Variants in AMN1 observed in about 807,000 individuals in gnomAD.
The protein encoded by AMN1 is antagonist of mitotic exit network 1 homolog, also known as protein AMN1 homolog.
In AMN1, 20 loss-of-function variants were observed where a neutral mutation model predicts 33.0. The ratio of observed to expected loss-of-function variants is 0.61; its 90% confidence interval spans 0.43 to 0.88. The LOEUF is 0.88. AMN1 is among the 40% of genes least tolerant of loss of function. The pLI, the probability that AMN1 is intolerant of heterozygous loss-of-function variation, is 0.00. For synonymous variants in AMN1, 114 were observed against 111.9 expected, an observed-to-expected ratio of 1.02 and a Z score of -0.12; for missense variants, 246 against 307.4, an observed-to-expected ratio of 0.80 and a Z score of 1.49.
chr12:31,674,009 T>C (rs1272108204), intron 6 of AMN1, among the ~76,000 whole-genome samples: 1 of 152,090 alleles, frequency 6.6e-6, no homozygotes, highest in Non-Finnish European at 1.5e-5. Flanking sequence ...GAGGAAAGTC[T>C]TATCTTTTTT....
Position 31,717,355 on chromosome 12 carries a change from C to T in AMN1, c.39-7930G>A, listed in dbSNP as rs973357696. On this transcript the variant is annotated intron_variant, in intron 1 of 6. Coordinates refer to ENST00000281471, the MANE Select transcript of AMN1 (RefSeq NM_001113402.2). Reference sequence around the variant, plus strand: ...CTTTATCCAGTCTATCACTGATGAGCATTTGAGTTGGTTCCATGTCTTTGC... The same window carrying T: ...CTTTATCCAGTCTATCACTGATGAGTATTTGAGTTGGTTCCATGTCTTTGC... Among the ~76,000 whole-genome samples the T allele has an allele frequency of 7.2e-5, 11 of 152,282 alleles. 1 individual carries two copies. Among genetic ancestry groups the T allele is most frequent in the East Asian group, 1.9e-4 (1 of 5,190 alleles).
chr12:31,705,289 G>C (rs998427877), intron 2 of AMN1, among the ~76,000 whole-genome samples: 2 of 152,126 alleles, frequency 1.3e-5, no homozygotes, highest in African/African-American at 4.8e-5. Context: ...CTTGAGCCCA[G>C]AGGTTCAAGA....
chr12:31,713,867 T>C (rs1047137311), intron 1 of AMN1, among the ~76,000 whole-genome samples: 1 of 151,810 alleles, frequency 6.6e-6, no homozygotes, highest in Non-Finnish European at 1.5e-5. Context: ...AAAAAAAAAT[T>C]TTCTGATAAA....
chr12:31,700,159 A>G (rs2139691952), intron 3 of AMN1, among the ~76,000 whole-genome samples: 1 of 151,590 alleles, frequency 6.6e-6, no homozygotes, highest in South Asian at 2.1e-4. Flanking sequence ...TATTTAAAAA[A>G]AAAAAAAAAG....
At chr12:31,718,202 A>G (rs1016602435) in intron 1 of AMN1, among the ~76,000 whole-genome samples, 13 of 151,586 alleles carry the variant, frequency 8.6e-5, no homozygotes, top group African/African-American at 2.7e-4. Context: ...TGCTTGATCA[A>G]TTTGGCTATT....
intron 3 of AMN1, 22 bp from the exon 4 acceptor site, chr12:31,697,979 T>C: frequency 6.2e-7 from 1 of 1,604,216 alleles, no homozygotes; most frequent in Non-Finnish European, 8.5e-7. Flanking sequence ...TATAATTATA[T>C]ATCAATGAGC....
chr12:31,722,166 CA>C (rs1939902074), intron 1 of AMN1, among the ~76,000 whole-genome samples: 3 of 149,110 alleles, frequency 2.0e-5, no homozygotes, highest in Admixed American at 2.0e-4. Flanking sequence ...CACACACACA[CA>C]CACACACACC....
At chr12:31,708,607 CG>C (rs1939342406) in intron 2 of AMN1, 1 of 158,040 alleles carries the variant, frequency 6.3e-6, no homozygotes, top group African/African-American at 2.4e-5. Flanking sequence ...ACTCCCTGTT[CG>C]TACATTCCTC....
In AMN1 at chr12:31,720,104, T is replaced by C. The variant is rs1212774545; in HGVS notation, c.38+8867A>G. On this transcript the variant is annotated intron_variant, in intron 1 of 6. Transcript: ENST00000281471. ...GCTTTACTTTTTTCTTTTAAAAAGT[T>C]GAGATGAAAGATAATATGAAATTAA... 7.9e-5 allele frequency among the ~76,000 whole-genome samples: 12 copies of C among 152,368 alleles called. No individual in the cohort carries two copies. In the South Asian group the frequency reaches 2.3e-3, roughly 29 times the overall value.
intron 6 of AMN1, among the ~76,000 whole-genome samples, chr12:31,677,510 C>T (rs1310781709): frequency 6.6e-6 from 1 of 152,198 alleles, no homozygotes; most frequent in African/African-American, 2.4e-5. Flanking sequence ...GTTCTATCAA[C>T]TATTTCTAAG....
intron 6 of AMN1, among the ~76,000 whole-genome samples, chr12:31,674,861 CA>C (rs367623122): frequency 0.015 from 2,165 of 143,036 alleles, 18 homozygotes; most frequent in Non-Finnish European, 0.022. Flanking sequence ...ACTAAAAATA[CA>C]AAAAAAAAAA....
intron 1 of AMN1, among the ~76,000 whole-genome samples, chr12:31,717,323 A>T (rs1301744776): frequency 2.0e-5 from 3 of 152,224 alleles, no homozygotes; most frequent in Non-Finnish European, 4.4e-5. Context: ...TATATGTACC[A>T]CACTTTCTTT....
At chr12:31,688,915 A>G (rs1938383810) in intron 6 of AMN1, 92 bp downstream of exon 6, 3 of 711,706 alleles carry the variant, frequency 4.2e-6, no homozygotes, top group Non-Finnish European at 4.7e-6. Context: ...AGATGAGGAA[A>G]CTGAATAATG....
rs367932878 is a variant in AMN1, at chr12:31,728,871, G to A, written c.38+100C>T. On this transcript the variant is annotated intron_variant, in intron 1 of 6. Transcript: ENST00000281471. ...CGGGGCCTCTTCAGAGGTCGGCGGGGGGGGTGGGAAAGGGGCGGGGAGGAA... is the reference window on the plus strand; with the variant it reads ...CGGGGCCTCTTCAGAGGTCGGCGGGAGGGGTGGGAAAGGGGCGGGGAGGAA... 6 of 1,356,460 alleles carry A rather than the reference G, an allele frequency of 4.4e-6. No homozygotes were observed. The African/African-American group carries it at 8.7e-5, about 20-fold the overall frequency. The allele number at this position is 1,356,460 out of a possible 1,614,324, so 84.0% of individuals were successfully genotyped here. A position where few individuals can be genotyped will look rare whatever the true frequency, so the allele number is the denominator to read the frequency against.
At chr12:31,690,230 G>A (rs764521987) in intron 5 of AMN1, among the ~76,000 whole-genome samples, 1 of 152,202 alleles carries the variant, frequency 6.6e-6, no homozygotes, top group Admixed American at 6.5e-5. Flanking sequence ...GTGTGTACAA[G>A]TATCTTTTTC....
chr12:31,699,030 G>A (rs910890413), intron 3 of AMN1, among the ~76,000 whole-genome samples: 2 of 152,198 alleles, frequency 1.3e-5, no homozygotes, highest in East Asian at 1.9e-4. Flanking sequence ...ATTCAGCTCA[G>A]TCCACAGACC....
intron 6 of AMN1, among the ~76,000 whole-genome samples, chr12:31,678,101 A>G (rs543629992): frequency 1.3e-5 from 2 of 152,186 alleles, no homozygotes; most frequent in Non-Finnish European, 2.9e-5. Flanking sequence ...GCATAAAAAC[A>G]AGCAGTTTTC....
chr12:31,701,403 C>T (rs1000716213), intron 3 of AMN1, among the ~76,000 whole-genome samples: 4 of 152,094 alleles, frequency 2.6e-5, no homozygotes, highest in African/African-American at 7.2e-5. Flanking sequence ...TCAAGGGATT[C>T]TCGTGCCTCC....
chr12:31,711,919 C>T (rs1939482339), intron 1 of AMN1, among the ~76,000 whole-genome samples: 1 of 152,048 alleles, frequency 6.6e-6, no homozygotes, highest in Admixed American at 6.6e-5. Context: ...ATGATATCCA[C>T]TTTTTTTTAG....
Sources: allele counts gnomAD v4.1 joint callset (sites outside exome capture counted in the v4.1 genomes callset), GRCh38; gene constraint gnomAD v4.1.1; transcripts MANE v1.5; gene names NCBI Gene and HGNC (gene_info 2026-07-23, HGNC 2026-07-21).